Variants in PCDHGA7 observed in about 807,000 individuals in gnomAD.
PCDHGA7 encodes the protein protocadherin gamma subfamily A, 7.
In PCDHGA7, 44 loss-of-function variants were observed where a neutral mutation model predicts 58.3. The observed-to-expected ratio is 0.75, with a 90% CI of 0.59 to 0.97. The LOEUF is 0.97. PCDHGA7 is among the 50% of genes least tolerant of loss of function. The pLI, the probability that PCDHGA7 is intolerant of heterozygous loss-of-function variation, is 0.00. For synonymous variants in PCDHGA7, 516 were observed against 504.2 expected (o/e 1.02, Z -0.31); for missense variants, 1,266 against 1,188.7 (o/e 1.06, Z -0.96).
rs1589316075 is a variant in PCDHGA7, at chr5:141,398,010, G to GAATTT, written c.2424+12687_2424+12688insAATTT. 8 of 1,407,812 alleles carry GAATTT rather than the reference G, an allele frequency of 5.7e-6. 1 individual carries two copies. The East Asian group carries it at 1.5e-4, about 27-fold the overall frequency. 87.2% of individuals were successfully genotyped at this position (1,407,812 alleles called of 1,614,324 possible). Reference sequence around the variant, plus strand: ...CCGCTTCCTCCTCGGAAAAAGAATCGTTTCCTAAACTGGAACTGGAACTAA... The same window carrying GAATTT: ...CCGCTTCCTCCTCGGAAAAAGAATCGAATTTTTTCCTAAACTGGAACTGGAACTAA... On this transcript the variant is annotated intron_variant, in intron 1 of 3. Transcript: ENST00000518325.
chr5:141,504,578 TGCCCAGGATTCACAGCAA>T (rs2099839274), intron 2 of PCDHGA7, among the ~76,000 whole-genome samples: 1 of 148,500 alleles, frequency 6.7e-6, no homozygotes, highest in African/African-American at 2.5e-5. Flanking sequence ...GAACACCATC[TGCCCAGGATTCACAGCAA>T]GAGGGAACTT....
At chr5:141,463,034 G>A (rs2099051345) in intron 1 of PCDHGA7, among the ~76,000 whole-genome samples, 2 of 152,112 alleles carry the variant, frequency 1.3e-5, no homozygotes, top group African/African-American at 4.8e-5. Flanking sequence ...ATTAATCTGA[G>A]TGTTCAGCAG....
chr5:141,476,180 C>T lies in PCDHGA7; in HGVS notation c.2425-18627C>T. The T allele has an allele frequency of 1.2e-6, 2 of 1,613,664 alleles. No individual in the cohort carries two copies. Among genetic ancestry groups the T allele is most frequent in the East Asian group, 4.5e-5 (2 of 44,838 alleles). On this transcript the variant is annotated intron_variant, in intron 1 of 3. Transcript: ENST00000518325. The surrounding 1 kb of genome is among the most constrained non-coding windows in gnomAD (Gnocchi z 7.6). ...CGGGAGGGTAGTGGGAGTTTTGCTT[C>T]TGCTTGGTGCCTTGAACAAGGCTTC...
At chr5:141,428,070 T>G (rs756684090) in intron 1 of PCDHGA7, 7 of 1,609,106 alleles carry the variant, frequency 4.4e-6, no homozygotes, top group Non-Finnish European at 5.1e-6. Context: ...GGACGCAGAT[T>G]CGGGACACAA....
intron 1 of PCDHGA7, chr5:141,393,367 G>C: frequency 1.2e-6 from 2 of 1,613,962 alleles, no homozygotes; most frequent in Middle Eastern, 1.6e-4. Context: ...GTGCAGACTG[G>C]AGACAATGGA....
chr5:141,415,336 C>T (rs746539261), intron 1 of PCDHGA7: 5 of 1,614,200 alleles, frequency 3.1e-6, no homozygotes, highest in South Asian at 2.2e-5. Flanking sequence ...GCACAGGCTG[C>T]GGCGCTGGCA....
At chr5:141,408,228 G>C (rs1233027944) in intron 1 of PCDHGA7, 2 of 1,564,122 alleles carry the variant, frequency 1.3e-6, no homozygotes, top group South Asian at 2.3e-5. Flanking sequence ...GCGCAGAGGC[G>C]CCGGGCCGGC....
At chr5:141,399,372 T>C (rs1333971188) in intron 1 of PCDHGA7, 8 of 1,613,970 alleles carry the variant, frequency 5.0e-6, no homozygotes, top group Non-Finnish European at 6.8e-6. Flanking sequence ...CGGAGTACAA[T>C]GTCACCATCA....
chr5:141,383,903 TC>T lies in PCDHGA7; in HGVS notation c.1005del (p.Thr336GlnfsTer3), dbSNP rs769022323. On this transcript the variant is annotated frameshift_variant, in exon 1 of 4. Transcript: ENST00000518325. LOFTEE classifies it high-confidence loss of function. ...AGTCTGACAAAGGCAAAAGTACTGA[TC>T]ACAGTTTTAGATGTAAATGATAATG... Reference protein sequence around the residue: ...PGSLTKAKVLITVLDVNDNAP... With the variant: ...PGSLTKAKVLXTVLDVNDNAP... The T allele has an allele frequency of 8.9e-5, 144 of 1,613,802 alleles. 1 individual carries two copies. The highest frequency in any genetic ancestry group is 1.1e-4 in the Non-Finnish European group (134 of 1,179,876).
chr5:141,455,244 T>C (rs977940552), intron 1 of PCDHGA7, among the ~76,000 whole-genome samples: 1 of 152,142 alleles, frequency 6.6e-6, no homozygotes, highest in Admixed American at 6.5e-5. Flanking sequence ...TTAAAGGTCA[T>C]AGTACAATCG....
intron 1 of PCDHGA7, among the ~76,000 whole-genome samples, chr5:141,481,782 T>C (rs1348977678): frequency 6.6e-6 from 1 of 152,008 alleles, no homozygotes; most frequent in African/African-American, 2.4e-5. Context: ...TGAAACCCCG[T>C]CTCTACTAAA....
chr5:141,491,178 C>T lies in PCDHGA7; in HGVS notation c.2425-3629C>T, dbSNP rs774139827. 6.2e-7 allele frequency: 1 copy of T among 1,614,146 alleles called. No individual in the cohort carries two copies. The highest frequency in any genetic ancestry group is 8.5e-7 in the Non-Finnish European group (1 of 1,179,992). On this transcript the variant is annotated intron_variant, in intron 1 of 3. Coordinates refer to ENST00000518325, the MANE Select transcript of PCDHGA7 (RefSeq NM_018920.4). The surrounding 1 kb of genome is among the most constrained non-coding windows in gnomAD (Gnocchi z 6.9). ...ACTCTGACACCCAGCAGGTGGTGGT[C>T]CTGGTGAGGGACAATGGTGACCCTT...
intron 1 of PCDHGA7, chr5:141,392,908 G>T: frequency 1.2e-6 from 2 of 1,613,852 alleles, no homozygotes; most frequent in African/African-American, 1.3e-5. Context: ...GGACAGATTC[G>T]CTACTCTGTG....
At chr5:141,456,968 AAAAC>A (rs202005606) in intron 1 of PCDHGA7, among the ~76,000 whole-genome samples, 2,421 of 152,270 alleles carry the variant, frequency 0.016, 37 homozygotes, top group Non-Finnish European at 0.025. Context: ...ATCTCAAAAC[AAAAC>A]AAACAAACAA....
chr5:141,508,091 GCCC>G (rs2099866180), intron 3 of PCDHGA7: 1 of 152,482 alleles, frequency 6.6e-6, no homozygotes, highest in Non-Finnish European at 1.5e-5. Flanking sequence ...TGCTGCCTTG[GCCC>G]TGGGATGGGG....
chr5:141,415,071 G>C (rs757356726), intron 1 of PCDHGA7: 5 of 1,613,422 alleles, frequency 3.1e-6, no homozygotes, highest in Non-Finnish European at 1.7e-6. Context: ...AGGTGCGCAC[G>C]GCGCGAGCCC....
chr5:141,432,808 C>T lies in PCDHGA7; in HGVS notation c.2424+47485C>T, dbSNP rs1473886709. ...TCGGCAGCCTCGAGTCTCCAGCTAA[C>T]TCTGAAACCTCAGACCTCACTCTGT... On this transcript the variant is annotated intron_variant, in intron 1 of 3. Transcript: ENST00000518325. This position sits in a 1 kb window ranked among gnomAD's most constrained non-coding sequence, Gnocchi z 6.0. 6.2e-7 allele frequency: 1 copy of T among 1,613,486 alleles called. No homozygotes were observed. Among genetic ancestry groups the T allele is most frequent in the African/African-American group, 1.3e-5 (1 of 74,426 alleles).
chr5:141,388,795 C>T, intron 1 of PCDHGA7: 1 of 1,613,834 alleles, frequency 6.2e-7, no homozygotes, highest in Admixed American at 1.7e-5. Context: ...GTTTTAAATA[C>T]ATTAGATTTT....
At chr5:141,404,097 T>C in intron 1 of PCDHGA7, 1 of 1,613,584 alleles carries the variant, frequency 6.2e-7, no homozygotes, top group Non-Finnish European at 8.5e-7. Flanking sequence ...AATGGTCAAG[T>C]TGTCTGTTCT....
Sources: gnomAD v4.1 joint callset for allele counts (sites outside exome capture counted in the v4.1 genomes callset) on GRCh38, gnomAD v4.1.1 for gene constraint, Gnocchi (gnomAD v3.1) non-coding constraint, MANE v1.5 for transcripts, NCBI Gene and HGNC (gene_info 2026-07-23, HGNC 2026-07-21) for gene names.